NAV3: variants seen among roughly 807,000 people sequenced by gnomAD.
NAV3 encodes the protein pore membrane and/or filament interacting like protein 1.
A neutral mutation model predicts 244.7 loss-of-function variants in NAV3; 87 were observed. The observed-to-expected ratio is 0.36, with a 90% confidence interval of 0.30 to 0.42. The LOEUF is 0.42. NAV3 is among the 20% of genes least tolerant of loss of function. NAV3 has a pLI of 1.00. For synonymous variants in NAV3, 1,126 were observed against 1,042.2 expected, an observed-to-expected ratio of 1.08 and a Z score of -1.55; for missense variants, 2,663 against 2,893.3, an observed-to-expected ratio of 0.92 and a Z score of 1.83.
At chr12:78,053,904 G>A (rs944668418) in intron 11 of NAV3, among the ~76,000 whole-genome samples, 4 of 152,260 alleles carry the variant, frequency 2.6e-5, no homozygotes, top group East Asian at 3.9e-4. Flanking sequence ...GCAACTTCAC[G>A]AATATAGAAT....
chr12:77,670,833 A>G (rs1487992816), intron 2 of NAV3, among the ~76,000 whole-genome samples: 3 of 152,096 alleles, frequency 2.0e-5, no homozygotes, highest in South Asian at 2.1e-4. Flanking sequence ...ACAACATTAT[A>G]CTGAATGGGA....
chr12:77,653,420 T>C (rs1872920467), intron 2 of NAV3, among the ~76,000 whole-genome samples: 1 of 152,248 alleles, frequency 6.6e-6, no homozygotes, highest in African/African-American at 2.4e-5. Context: ...GAGGAGGCTG[T>C]CTCAAATCTG....
At chr12:78,189,684 C>T (rs77898532) in intron 33 of NAV3, among the ~76,000 whole-genome samples, 12,484 of 151,674 alleles carry the variant, frequency 0.082, 666 homozygotes, top group Non-Finnish European at 0.13. Flanking sequence ...GTTATGATAG[C>T]ATTTATAATG....
intron 1 of NAV3, among the ~76,000 whole-genome samples, chr12:77,872,816 A>G (rs932073267): frequency 1.3e-5 from 2 of 151,980 alleles, no homozygotes; most frequent in African/African-American, 2.4e-5. Context: ...TTCATATTCT[A>G]TTGTGTTGAA....
intron 1 of NAV3, among the ~76,000 whole-genome samples, chr12:77,899,462 A>G (rs768278781): frequency 3.9e-5 from 6 of 152,232 alleles, no homozygotes; most frequent in Non-Finnish European, 8.8e-5. Flanking sequence ...CAGCAAGAAG[A>G]TTACAATTCC....
intron 1 of NAV3, among the ~76,000 whole-genome samples, chr12:77,893,967 A>C (rs1221966543): frequency 6.6e-6 from 1 of 152,222 alleles, no homozygotes; most frequent in Admixed American, 6.5e-5. Context: ...AATACCAAGG[A>C]TGACACAGGA....
At chr12:77,774,678 T>G (rs1775023989) in intron 2 of NAV3, among the ~76,000 whole-genome samples, 1 of 152,160 alleles carries the variant, frequency 6.6e-6, no homozygotes, top group Non-Finnish European at 1.5e-5. Context: ...CTCTGCAAAA[T>G]ACTCCTGCAG....
At chr12:78,012,262 AG>A (rs1484500345) in intron 8 of NAV3, among the ~76,000 whole-genome samples, 1 of 152,002 alleles carries the variant, frequency 6.6e-6, no homozygotes, top group Non-Finnish European at 1.5e-5. Flanking sequence ...CTTGTCTCCT[AG>A]TCCAAGCCAC....
In NAV3 at chr12:77,971,811, C is replaced by T. The variant is rs377210038; in HGVS notation, c.671+3109C>T. Reference sequence around the variant, plus strand: ...ATGTTCTTATATTTTTCTCTGTAGACTAATAAACATTTCTTAGGGCACATT... The same window carrying T: ...ATGTTCTTATATTTTTCTCTGTAGATTAATAAACATTTCTTAGGGCACATT... On this transcript the variant is annotated intron_variant, in intron 5 of 39. Transcript: ENST00000397909. 3.9e-4 allele frequency among the ~76,000 whole-genome samples: 60 copies of T among 152,152 alleles called. No homozygotes were observed. The South Asian group carries it at 0.012, about 30-fold the overall frequency.
At chr12:78,181,950 T>C (rs886590008) in intron 30 of NAV3, among the ~76,000 whole-genome samples, 34 of 152,044 alleles carry the variant, frequency 2.2e-4, no homozygotes, top group Non-Finnish European at 3.8e-4. Flanking sequence ...ATTCTGCTAT[T>C]ATGGCTGCTC....
At chr12:77,717,663 G>T (rs1252986808) in intron 2 of NAV3, among the ~76,000 whole-genome samples, 1 of 151,702 alleles carries the variant, frequency 6.6e-6, no homozygotes. Context: ...TATTTTTAAA[G>T]GAACTTTCAT....
At chr12:77,941,344 C>CT (rs1459869810) in intron 3 of NAV3, among the ~76,000 whole-genome samples, 1 of 152,068 alleles carries the variant, frequency 6.6e-6, no homozygotes, top group Non-Finnish European at 1.5e-5. Flanking sequence ...TTCCAGATGT[C>CT]TTATTAGATC....
chr12:77,922,649 C>T (rs1163437058), intron 1 of NAV3, among the ~76,000 whole-genome samples: 2 of 152,066 alleles, frequency 1.3e-5, no homozygotes, highest in Non-Finnish European at 2.9e-5. Flanking sequence ...GCCTGTGTTC[C>T]TCAACCAGAA....
chr12:77,651,157 T>A (rs1872804925), intron 2 of NAV3, among the ~76,000 whole-genome samples: 1 of 152,028 alleles, frequency 6.6e-6, no homozygotes, highest in Admixed American at 6.6e-5. Flanking sequence ...AAAAAAAAAA[T>A]TCTACTTTTC....
intron 24 of NAV3, among the ~76,000 whole-genome samples, chr12:78,171,493 G>T (rs998414605): frequency 1.3e-5 from 2 of 151,420 alleles, no homozygotes; most frequent in Non-Finnish European, 3.0e-5. Flanking sequence ...TATCTAAATT[G>T]ATCAAGAAAT....
intron 2 of NAV3, among the ~76,000 whole-genome samples, chr12:77,759,346 G>C (rs1869349920): frequency 6.6e-6 from 1 of 152,182 alleles, no homozygotes; most frequent in African/African-American, 2.4e-5. Flanking sequence ...GGGTACAGAA[G>C]TATTACAAAG....
intron 12 of NAV3, among the ~76,000 whole-genome samples, chr12:78,109,865 C>A (rs893445810): frequency 6.6e-6 from 1 of 151,930 alleles, no homozygotes; most frequent in Non-Finnish European, 1.5e-5. Context: ...AGTTTAAAGA[C>A]TTTCCTCTAA....
intron 9 of NAV3, among the ~76,000 whole-genome samples, chr12:78,031,277 G>T (rs928480508): frequency 6.6e-6 from 1 of 152,144 alleles, no homozygotes; most frequent in Non-Finnish European, 1.5e-5. Flanking sequence ...TGGAAGTACT[G>T]GTGTCGTTTT....
intron 2 of NAV3, among the ~76,000 whole-genome samples, chr12:77,663,905 T>G (rs1873594258): frequency 6.6e-6 from 1 of 152,254 alleles, no homozygotes; most frequent in South Asian, 2.1e-4. Flanking sequence ...GATATATATG[T>G]GTACATATTG....
Sources: gnomAD v4.1 joint callset for allele counts (sites outside exome capture counted in the v4.1 genomes callset) on GRCh38, gnomAD v4.1.1 for gene constraint, MANE v1.5 for transcripts, NCBI Gene and HGNC (gene_info 2026-07-23, HGNC 2026-07-21) for gene names.